LOC400499: variants seen among roughly 807,000 people sequenced by gnomAD.
the LOC400499 span, chr16:11,393,506 C>T: frequency 6.5e-6 from 8 of 1,232,180 alleles, no homozygotes; most frequent in South Asian, 4.1e-5. Context: ...TTTGAGAAGT[C>T]GAGGTGGAGA....
the LOC400499 span, among the ~76,000 whole-genome samples, chr16:11,410,517 C>T: frequency 3.3e-5 from 5 of 152,156 alleles, no homozygotes; most frequent in Admixed American, 6.5e-5. Flanking sequence ...GCAGTTGGAG[C>T]GAAGTTTGAG....
chr16:11,412,701 C>G, the LOC400499 span: 1 of 395,696 alleles, frequency 2.5e-6, no homozygotes, highest in Admixed American at 4.4e-5. Flanking sequence ...GTTACTTGGC[C>G]TCTCTGAGCC....
chr16:11,487,371 C>G, the LOC400499 span: 18 of 399,258 alleles, frequency 4.5e-5, no homozygotes, highest in African/African-American at 3.5e-4. Context: ...CAGGTTGGCT[C>G]CCAGGCTGCC....
chr16:11,375,313 C>CT, the LOC400499 span, among the ~76,000 whole-genome samples: 1,055 of 104,360 alleles, frequency 0.01, 115 homozygotes, highest in African/African-American at 0.035. Context: ...CCTCCATGTA[C>CT]TTTTTTTTTT....
the LOC400499 span, among the ~76,000 whole-genome samples, chr16:11,527,069 G>T: frequency 6.6e-6 from 1 of 152,164 alleles, no homozygotes; most frequent in Non-Finnish European, 1.5e-5. Flanking sequence ...CCCTTGCTTC[G>T]CTCCAGACAG....
At chr16:11,497,547 CA>C in the LOC400499 span, among the ~76,000 whole-genome samples, 3 of 152,336 alleles carry the variant, frequency 2.0e-5, no homozygotes, top group East Asian at 5.8e-4. Context: ...TGTCCCAGAC[CA>C]AAGCTGGAGC....
At chr16:11,521,520 G>A in the LOC400499 span, among the ~76,000 whole-genome samples, 1 of 152,116 alleles carries the variant, frequency 6.6e-6, no homozygotes, top group African/African-American at 2.4e-5. Context: ...GCACTGCAAG[G>A]CTAGTGTCCA....
chr16:11,427,955 T>A, the LOC400499 span, among the ~76,000 whole-genome samples: 1 of 151,898 alleles, frequency 6.6e-6, no homozygotes, highest in Admixed American at 6.6e-5. Context: ...AGGAAAGGGG[T>A]CCGGATCCAG....
the LOC400499 span, among the ~76,000 whole-genome samples, chr16:11,413,764 A>G: frequency 2.6e-5 from 4 of 152,170 alleles, no homozygotes; most frequent in South Asian, 8.3e-4. Flanking sequence ...GTGCTTAAGG[A>G]TCTACTCAGG....
the LOC400499 span, among the ~76,000 whole-genome samples, chr16:11,455,514 C>G: frequency 6.6e-6 from 1 of 152,174 alleles, no homozygotes; most frequent in Non-Finnish European, 1.5e-5. Flanking sequence ...GAAGGTGGAT[C>G]ACTTGAGCTC....
the LOC400499 span, among the ~76,000 whole-genome samples, chr16:11,420,144 C>T: frequency 5.3e-4 from 80 of 150,098 alleles, no homozygotes; most frequent in African/African-American, 1.7e-3. Flanking sequence ...CACATGCACA[C>T]GTATGTTTAT....
chr16:11,395,482 G>A, the LOC400499 span, among the ~76,000 whole-genome samples: 5 of 152,294 alleles, frequency 3.3e-5, no homozygotes, highest in East Asian at 3.9e-4. Context: ...GGCTGGAAAC[G>A]GGGAAGTGAC....
the LOC400499 span, among the ~76,000 whole-genome samples, chr16:11,424,852 T>G: frequency 0.44 from 67,236 of 151,680 alleles, 15,950 homozygotes; most frequent in East Asian, 0.57. Context: ...CCCAGGGAAT[T>G]GGGGGTGGGA....
At chr16:11,461,478 C>G in the LOC400499 span, among the ~76,000 whole-genome samples, 1 of 152,192 alleles carries the variant, frequency 6.6e-6, no homozygotes, top group Non-Finnish European at 1.5e-5. Flanking sequence ...GCGTTAGCTT[C>G]CCGAAGTGCT....
chr16:11,390,100 G>A, the LOC400499 span: 2 of 1,232,046 alleles, frequency 1.6e-6, no homozygotes, highest in East Asian at 6.3e-5. Flanking sequence ...CAAACCCCGA[G>A]TTACCTGGCC....
the LOC400499 span, among the ~76,000 whole-genome samples, chr16:11,511,018 G>A: frequency 4.1e-5 from 6 of 148,010 alleles, no homozygotes; most frequent in African/African-American, 1.5e-4. Context: ...TTTTTTTTCA[G>A]AAGGGGTCTC....
chr16:11,389,485 C>T, the LOC400499 span, among the ~76,000 whole-genome samples: 1 of 152,088 alleles, frequency 6.6e-6, no homozygotes, highest in Non-Finnish European at 1.5e-5. Flanking sequence ...AGTTTGAGAC[C>T]AGCCTGGCCA....
the LOC400499 span, among the ~76,000 whole-genome samples, chr16:11,398,130 G>C: frequency 1.3e-5 from 2 of 152,144 alleles, no homozygotes; most frequent in Non-Finnish European, 2.9e-5. Context: ...ATCACTCTAC[G>C]TCCTGGAACC....
the LOC400499 span, among the ~76,000 whole-genome samples, chr16:11,410,408 T>G: frequency 6.6e-6 from 1 of 152,204 alleles, no homozygotes; most frequent in African/African-American, 2.4e-5. Context: ...GAGCCGAAAT[T>G]GTGCCACTGC....
Sources: allele counts gnomAD v4.1 joint callset (sites outside exome capture counted in the v4.1 genomes callset), GRCh38; gene constraint gnomAD v4.1.1; transcripts MANE v1.5.